The following ACSM2A variants were observed in gnomAD, a reference collection of about 807,000 sequenced individuals.
The protein encoded by ACSM2A is acyl-CoA synthetase medium chain family member 2A.
In ACSM2A, 72 loss-of-function variants were observed where a neutral mutation model predicts 76.6. The observed-to-expected ratio is 0.94, with a 90% CI of 0.78 to 1.14. The LOEUF (loss-of-function observed/expected upper bound fraction) is 1.14, where lower values mean the gene tolerates loss of function less well. Among genes scored for constraint, ACSM2A ranks in the 50% most tolerant of loss-of-function variants. The pLI is 0.00. For missense variants in ACSM2A, 684 were observed against 708.5 expected (o/e 0.97, Z 0.39); for synonymous variants, 249 against 255.9 (o/e 0.97, Z 0.26).
rs550604404 is a variant in ACSM2A, at chr16:20,482,838, G to T, written c.1510-220G>T. The T allele has an allele frequency of 3.6e-4, 197 of 546,382 alleles. 2 individuals are homozygous for T. In the Admixed American group the frequency reaches 6.1e-3, roughly 17 times the overall value. 33.8% of individuals were successfully genotyped at this position (546,382 alleles called of 1,614,324 possible). A position where few individuals can be genotyped will look rare whatever the true frequency, so the allele number is the denominator to read the frequency against. ...GTTATTGGAGTATGAGGTGAGCCTAGTCTCAATCTTTTGTCCACCTGCTCC... is the reference window on the plus strand; with the variant it reads ...GTTATTGGAGTATGAGGTGAGCCTATTCTCAATCTTTTGTCCACCTGCTCC... On this transcript the variant is annotated intron_variant, in intron 12 of 13. Transcript: ENST00000573854.
rs1405789388 is a variant in ACSM2A at position 20,469,870 on chromosome 16, GTATT to G, written c.596+153_596+156del. ...GGAAGAAATAAAAGCTAACACAAGG[GTATT>G]TTTTTTTTTTTTTTTTTTTTTTCAA... On this transcript the variant is annotated intron_variant, in intron 4 of 13. Transcript: ENST00000573854. 6.4e-3 allele frequency: 3,925 copies of G among 613,226 alleles called. 30 individuals carry two copies. The highest frequency in any genetic ancestry group is 0.017 in the East Asian group (311 of 18,338). 38.0% of individuals were successfully genotyped at this position (613,226 alleles called of 1,614,324 possible).
intron 8 of ACSM2A, 48 bp from the exon 9 acceptor site, chr16:20,477,321 C>G (rs774936105): frequency 6.3e-7 from 1 of 1,579,214 alleles, no homozygotes; most frequent in African/African-American, 1.4e-5. Context: ...TTTCTGTGAC[C>G]TTGTACCTCC....
chr16:20,456,980 C>T (rs111349039), intron 1 of ACSM2A, among the ~76,000 whole-genome samples: 2,159 of 150,546 alleles, frequency 0.014, 22 homozygotes, highest in Middle Eastern at 0.062. Flanking sequence ...ATATTACAAC[C>T]GACACCACAG....
chr16:20,458,851 AT>A (rs1020079341), intron 1 of ACSM2A, among the ~76,000 whole-genome samples: 9 of 138,642 alleles, frequency 6.5e-5, no homozygotes, highest in East Asian at 4.2e-4. Flanking sequence ...AATTTTTTAT[AT>A]TTTTTAGGTA....
At chr16:20,468,642 G>A (rs1305842601) in intron 3 of ACSM2A, among the ~76,000 whole-genome samples, 1 of 152,182 alleles carries the variant, frequency 6.6e-6, no homozygotes, top group Non-Finnish European at 1.5e-5. Flanking sequence ...TTACAGGCAT[G>A]AGCCACCATA....
At chr16:20,471,508 T>G (rs757521440) in intron 5 of ACSM2A, 28 bp from the exon 6 acceptor site, 3 of 1,597,538 alleles carry the variant, frequency 1.9e-6, no homozygotes, top group African/African-American at 1.3e-5. Flanking sequence ...CCCACCTATA[T>G]GTACATGTGT....
At chr16:20,454,925 G>T (rs1414505194) in intron 1 of ACSM2A, among the ~76,000 whole-genome samples, 2 of 151,626 alleles carry the variant, frequency 1.3e-5, no homozygotes, top group African/African-American at 4.8e-5. Context: ...AAGTTATGAG[G>T]GGAGAAATCT....
In ACSM2A at chr16:20,476,713, T is replaced by C. The variant is rs185604314; in HGVS notation, c.1099-656T>C. 40 of 1,004,170 alleles carry C rather than the reference T, an allele frequency of 4.0e-5. No homozygotes were observed. In the East Asian group the frequency reaches 1.7e-3, roughly 43 times the overall value. 62.2% of individuals were successfully genotyped at this position (1,004,170 alleles called of 1,614,324 possible). A position where few individuals can be genotyped will look rare whatever the true frequency, so the allele number is the denominator to read the frequency against. ...ACAGTGGGTGGCGGGAAAAGATGGG[T>C]CATTGTGATATCTTTTGTCCAGGCT... On this transcript the variant is annotated intron_variant, in intron 8 of 13. Coordinates refer to ENST00000573854, the MANE Select transcript of ACSM2A (RefSeq NM_001308172.2).
intron 2 of ACSM2A, among the ~76,000 whole-genome samples, chr16:20,462,864 G>C (rs186883717): frequency 6.6e-6 from 1 of 152,020 alleles, no homozygotes; most frequent in African/African-American, 2.4e-5. Flanking sequence ...TGAGGAATAT[G>C]TGTACACTCA....
chr16:20,455,652 A>G (rs923666762), intron 1 of ACSM2A, among the ~76,000 whole-genome samples: 3 of 150,092 alleles, frequency 2.0e-5, no homozygotes, highest in Non-Finnish European at 4.4e-5. Context: ...GGAGCTTTAA[A>G]TCTTGAAACA....
intron 3 of ACSM2A, among the ~76,000 whole-genome samples, chr16:20,465,948 G>A (rs2012970202): frequency 2.0e-5 from 3 of 152,228 alleles, no homozygotes; most frequent in African/African-American, 7.2e-5. Context: ...ACATATTCAT[G>A]GGACTTACAG....
intron 2 of ACSM2A, among the ~76,000 whole-genome samples, chr16:20,461,369 G>A (rs1472233486): frequency 1.3e-5 from 2 of 152,098 alleles, no homozygotes; most frequent in Non-Finnish European, 2.9e-5. Context: ...ATTTTTTAAA[G>A]TTATACTTCC....
chr16:20,481,289 A>C (rs2014067658), intron 12 of ACSM2A: 1 of 254,934 alleles, frequency 3.9e-6, no homozygotes, highest in East Asian at 8.9e-5. Flanking sequence ...TAATTGCAGC[A>C]CTATTCACAA....
Position 20,478,820 on chromosome 16 carries a change from T to C in ACSM2A, c.1281+143T>C, listed in dbSNP as rs1395062444. Reference sequence around the variant, plus strand: ...GTCCAGTTTTCAAGAATGTATGCTTTGCCAGTGGAAGAAAAGTGGCTATTC... The same window carrying C: ...GTCCAGTTTTCAAGAATGTATGCTTCGCCAGTGGAAGAAAAGTGGCTATTC... On this transcript the variant is annotated intron_variant, in intron 10 of 13. Transcript: ENST00000573854. The C allele has an allele frequency of 1.8e-5, 22 of 1,217,528 alleles. No individual in the cohort carries two copies. In the East Asian group the frequency reaches 5.8e-4, roughly 32 times the overall value. 75.4% of individuals were successfully genotyped at this position (1,217,528 alleles called of 1,614,324 possible). A position where few individuals can be genotyped will look rare whatever the true frequency, so the allele number is the denominator to read the frequency against.
intron 8 of ACSM2A, chr16:20,475,990 G>A (rs1427359885): frequency 8.2e-7 from 1 of 1,220,774 alleles, no homozygotes. Context: ...AGTGAGATTT[G>A]GGGAGAGAGA....
chr16:20,455,549 TTCATAAATGAAG>T (rs1189782445), intron 1 of ACSM2A, among the ~76,000 whole-genome samples: 1 of 150,048 alleles, frequency 6.7e-6, no homozygotes, highest in African/African-American at 2.5e-5. Flanking sequence ...GAAACTAAGC[TTCATAAATGAAG>T]GAAAGATGCA....
intron 3 of ACSM2A, among the ~76,000 whole-genome samples, chr16:20,466,561 G>C (rs1190745380): frequency 2.6e-5 from 4 of 152,226 alleles, no homozygotes; most frequent in African/African-American, 9.6e-5. Context: ...GGAAATCAGA[G>C]ACTAGAGTTT....
Position 20,461,855 on chromosome 16 carries a change from A to G in ACSM2A, c.177+1564A>G, listed in dbSNP as rs34045408. On this transcript the variant is annotated intron_variant, in intron 2 of 13. Transcript: ENST00000573854. ...AAGACATCTTAGTGGAAGGATGGGA[A>G]ATATTTCTCAAATCTGCCCCCTTGA... is the stretch of plus-strand genomic sequence containing the variant. Among the ~76,000 whole-genome samples, 163 of 152,326 alleles carry G rather than the reference A, an allele frequency of 1.1e-3. 1 individual carries two copies. The highest frequency in any genetic ancestry group is 3.6e-3 in the African/African-American group (148 of 41,570).
chr16:20,484,207 A>G (rs1046564942), intron 13 of ACSM2A, among the ~76,000 whole-genome samples: 1 of 149,838 alleles, frequency 6.7e-6, no homozygotes, highest in Admixed American at 6.6e-5. Flanking sequence ...GAGCTGCCCT[A>G]CCCCATGACA....
Sources: allele counts gnomAD v4.1 joint callset (sites outside exome capture counted in the v4.1 genomes callset), GRCh38; gene constraint gnomAD v4.1.1; transcripts MANE v1.5; gene names NCBI Gene and HGNC (gene_info 2026-07-23, HGNC 2026-07-21).